The following CYBA variants were observed in gnomAD, a reference collection of about 807,000 sequenced individuals.
CYBA encodes cytochrome b-245 light chain.
In CYBA, 21 loss-of-function variants were observed where a neutral mutation model predicts 20.8. The ratio of observed to expected loss-of-function variants is 1.01; its 90% CI spans 0.72 to 1.46. The LOEUF (loss-of-function observed/expected upper bound fraction) is 1.46. Ranked by LOEUF, CYBA falls within the 40% of genes most tolerant of loss-of-function variation. The probability of loss-of-function intolerance (pLI) is 0.00; values close to 1 mark genes in which losing one functional copy is unlikely to be tolerated. For missense variants in CYBA, 344 were observed against 287.0 expected (o/e 1.20, Z -1.43); for synonymous variants, 164 against 127.5 (o/e 1.29, Z -1.93).
Position 88,646,009 on chromosome 16 carries a change from T to G in CYBA, c.369+107A>C. Reference sequence around the variant, plus strand: ...CCAGGCTCACACTTGCTCCCAGCCTTGGCTCAGCCTACAGAGCCGGCTTCA... The same window carrying G: ...CCAGGCTCACACTTGCTCCCAGCCTGGGCTCAGCCTACAGAGCCGGCTTCA... On this transcript the variant is annotated intron_variant, in intron 5 of 5. Coordinates refer to ENST00000261623, the MANE Select transcript of CYBA (RefSeq NM_000101.4). 3.2e-6 allele frequency: 3 copies of G among 946,820 alleles called. No individual in the cohort carries two copies. The South Asian group carries it at 4.2e-5, about 13-fold the overall frequency. 58.7% of individuals were successfully genotyped at this position (946,820 alleles called of 1,614,324 possible). A position where few individuals can be genotyped will look rare whatever the true frequency, so the allele number is the denominator to read the frequency against.
chr16:88,645,349 T>C, intron 5 of CYBA: 1 of 702,458 alleles, frequency 1.4e-6, no homozygotes, highest in South Asian at 1.5e-5. Flanking sequence ...CAGAAAGTGC[T>C]GCACCTTTCC....
chr16:88,646,732 G>T (rs1009303753), intron 4 of CYBA, 23 bp downstream of exon 4: 5 of 1,606,340 alleles, frequency 3.1e-6, no homozygotes, highest in South Asian at 1.1e-5. Flanking sequence ...GAGCCCTAGA[G>T]GGGGTGCGGG....
Position 88,647,899 on chromosome 16 carries a change from T to C in CYBA, c.128+146A>G, listed in dbSNP as rs905655764. 4.6e-5 allele frequency: 36 copies of C among 776,958 alleles called. No homozygotes were observed. The African/African-American group carries it at 5.8e-4, about 12-fold the overall frequency. 48.1% of individuals were successfully genotyped at this position (776,958 alleles called of 1,614,324 possible). A position where few individuals can be genotyped will look rare whatever the true frequency, so the allele number is the denominator to read the frequency against. Reference sequence around the variant, plus strand: ...GGCGAGGGGCCTGGCTGCTGGGGCCTGGGCTGCCCAACCCGTGCACAGCCC... The same window carrying C: ...GGCGAGGGGCCTGGCTGCTGGGGCCCGGGCTGCCCAACCCGTGCACAGCCC... On this transcript the variant is annotated intron_variant, in intron 2 of 5. Coordinates refer to ENST00000261623, the MANE Select transcript of CYBA (RefSeq NM_000101.4).
At chr16:88,647,410 G>A (rs1458312353) in intron 2 of CYBA, among the ~76,000 whole-genome samples, 1 of 152,202 alleles carries the variant, frequency 6.6e-6, no homozygotes, top group Non-Finnish European at 1.5e-5. Flanking sequence ...GCAGTGGTGT[G>A]TGCCTGTGGT....
chr16:88,647,294 C>A, intron 2 of CYBA, 119 bp from the exon 3 acceptor site: 1 of 976,086 alleles, frequency 1.0e-6, no homozygotes, highest in South Asian at 1.4e-5. Flanking sequence ...GGAATCCCAG[C>A]ATTTTGGGAG....
chr16:88,649,336 C>T (rs1391183695), intron 1 of CYBA, among the ~76,000 whole-genome samples: 1 of 152,192 alleles, frequency 6.6e-6, no homozygotes, highest in Non-Finnish European at 1.5e-5. Context: ...CTGTCTGCGT[C>T]GGAGGAGGGG....
rs774641186 is a variant in CYBA, at chr16:88,646,833, T to C, written c.209A>G (p.Gln70Arg). The change falls in exon 4 of 6, where the codon CAG becomes CGG. Residue 70 changes from glutamine to arginine, a missense_variant. Physicochemically the swap from Gln to Arg is conservative, Grantham distance 43 (BLOSUM62 1). Transcript: ENST00000261623. ...CTTCACCACGGCGGTCATGTACTTC[T>C]GTCCCCTGGGGGAGGGAGGAAGGCG... is the stretch of plus-strand genomic sequence containing the variant. ...KKGSTMERWG[Q>R]KYMTAVVKLF... is the part of the protein sequence containing the mutation. 3.1e-6 allele frequency: 5 copies of C among 1,613,272 alleles called. No homozygotes were observed. Among genetic ancestry groups the C allele is most frequent in the Non-Finnish European group, 3.4e-6 (4 of 1,179,454 alleles).
In CYBA at chr16:88,643,421, C is replaced by T. The variant is rs1288682965; in HGVS notation, c.520G>A (p.Val174Met). Residue 174 changes from valine to methionine, a missense_variant, in exon 6 of 6, where the codon GTG (valine) becomes ATG (methionine). Val to Met is a conservative substitution (Grantham distance 21). Transcript: ENST00000261623. The surrounding 1 kb of genome is among the most constrained non-coding windows in gnomAD (Gnocchi z 4.3). ...CCTCCCGGGGGTCCCCCCGCCGCCA[C>T]CGCAGCCTCCTCCTCGCTGGGCTTC... ...RKKPSEEEAA[V>M]AAGGPPGGPQ... 1 of 1,532,890 alleles carries T rather than the reference C, an allele frequency of 6.5e-7. No individual in the cohort carries two copies. 95.0% of individuals were successfully genotyped at this position (1,532,890 alleles called of 1,614,324 possible). A position where few individuals can be genotyped will look rare whatever the true frequency, so the allele number is the denominator to read the frequency against.
At position 88,648,094 on chromosome 16, in the gene CYBA, C is replaced by T. The variant is rs753373754; in HGVS notation, c.79G>A (p.Val27Met). The change falls in exon 2 of 6, where the codon GTG (valine) becomes ATG (methionine). Residue 27 changes from valine to methionine, a missense_variant. Physicochemically the swap from Val to Met is conservative, Grantham distance 21. Coordinates refer to ENST00000261623, the MANE Select transcript of CYBA (RefSeq NM_000101.4). ...TGGGTGAAGCGCCCAGCTGTGGCCACGATGCCCCCGGTGATGAGGACTGCG... is the reference window on the plus strand; with the variant it reads ...TGGGTGAAGCGCCCAGCTGTGGCCATGATGCCCCCGGTGATGAGGACTGCG... ...SGLILITGGI[V>M]ATAGRFTQWY... 81 of 1,612,604 alleles carry T rather than the reference C, an allele frequency of 5.0e-5. 2 individuals are homozygous for T. The highest frequency in any genetic ancestry group is 2.2e-4 in the South Asian group (20 of 90,818).
At position 88,643,452 on chromosome 16, in the gene CYBA, G is replaced by T; in HGVS notation, c.489C>A (p.Ala163=). Residue 163 remains alanine (A), a synonymous_variant, in exon 6 of 6, where the codon GCC becomes GCA. Transcript: ENST00000261623. This position sits in a 1 kb window ranked among gnomAD's most constrained non-coding sequence, Gnocchi z 4.3. ...CCTCCTCCTCGCTGGGCTTCTTGCG[G>T]GCCTCGGCCGGGGGCCGCGGCGGGG... ...SNPPPRPPAE[A]RKKPSEEEAA... 6.5e-7 allele frequency: 1 copy of T among 1,533,410 alleles called. No individual in the cohort carries two copies. The highest frequency in any genetic ancestry group is 8.7e-7 in the Non-Finnish European group (1 of 1,143,718). The allele number at this position is 1,533,410 out of a possible 1,614,324, so 95.0% of individuals were successfully genotyped here.
chr16:88,645,324 C>A (rs543656991), intron 5 of CYBA: 1 of 702,332 alleles, frequency 1.4e-6, no homozygotes, highest in Admixed American at 2.0e-5. Flanking sequence ...CACTTCCATA[C>A]GCGGAAGGCG....
intron 5 of CYBA, among the ~76,000 whole-genome samples, chr16:88,644,546 C>T (rs564442590): frequency 4.6e-5 from 7 of 152,344 alleles, no homozygotes; most frequent in East Asian, 3.9e-4. Flanking sequence ...ACAATCAGGC[C>T]GGGCGCGGTG....
At chr16:88,645,422 A>G in intron 5 of CYBA, 1 of 702,288 alleles carries the variant, frequency 1.4e-6, no homozygotes, top group Non-Finnish European at 2.6e-6. Context: ...GGCAGGAGGG[A>G]CTTGGCTCTA....
chr16:88,643,501 G>C lies in CYBA; in HGVS notation c.440C>G (p.Thr147Ser), dbSNP rs772514836. The change falls in exon 6 of 6, where the codon ACC becomes AGC. Residue 147 changes from threonine to serine, a missense_variant. Coordinates refer to ENST00000261623, the MANE Select transcript of CYBA (RefSeq NM_000101.4). The surrounding 1 kb of genome is among the most constrained non-coding windows in gnomAD (Gnocchi z 4.3). ...GGGGTTGCTGGGCGGCTGCTTGATG[G>C]TGCCTCCGATCTGCGGCCGCTCCCG... is the stretch of plus-strand genomic sequence containing the variant. The part of the protein sequence containing the change: ...KPRERPQIGG[T>S]IKQPPSNPPP... 3 of 1,534,308 alleles carry C rather than the reference G, an allele frequency of 2.0e-6. No homozygotes were observed. In the South Asian group the frequency reaches 3.6e-5, roughly 18 times the overall value.
intron 2 of CYBA, 59 bp downstream of exon 2, chr16:88,647,986 G>T: frequency 1.3e-6 from 2 of 1,505,738 alleles, no homozygotes. Flanking sequence ...ACTGTGAAGT[G>T]GCTCCCCAGC....
At position 88,643,728 on chromosome 16, in the gene CYBA, G is replaced by A. The variant is rs1261629382; in HGVS notation, c.370-157C>T. Reference sequence around the variant, plus strand: ...GCCACTCAGAGAGGTTAAGTGACGCGCCCGAGGCCACACAGCCAGGACCTG... The same window carrying A: ...GCCACTCAGAGAGGTTAAGTGACGCACCCGAGGCCACACAGCCAGGACCTG... On this transcript the variant is annotated intron_variant, in intron 5 of 5. Transcript: ENST00000261623. This position sits in a 1 kb window ranked among gnomAD's most constrained non-coding sequence, Gnocchi z 4.3. 27 of 732,760 alleles carry A rather than the reference G, an allele frequency of 3.7e-5. No homozygotes were observed. The highest frequency in any genetic ancestry group is 7.5e-4 in the Middle Eastern group (2 of 2,654). 45.4% of individuals were successfully genotyped at this position (732,760 alleles called of 1,614,324 possible).
intron 1 of CYBA, 155 bp downstream of exon 1, chr16:88,650,801 C>A: frequency 1.3e-6 from 1 of 771,912 alleles, no homozygotes; most frequent in Non-Finnish European, 2.2e-6. Context: ...CTGAGGGTCC[C>A]GCCCCCGTTC....
intron 1 of CYBA, among the ~76,000 whole-genome samples, chr16:88,649,028 C>T (rs541063104): frequency 4.0e-5 from 6 of 151,222 alleles, no homozygotes; most frequent in African/African-American, 1.5e-4. Context: ...ACCTCCACCT[C>T]CCAGGTTGAA....
Position 88,645,623 on chromosome 16 carries a change from T to C in CYBA, c.369+493A>G, listed in dbSNP as rs1350765338. The C allele has an allele frequency of 3.0e-5, 18 of 596,930 alleles. No individual in the cohort carries two copies. In the South Asian group the frequency reaches 3.2e-4, roughly 11 times the overall value. 37.0% of individuals were successfully genotyped at this position (596,930 alleles called of 1,614,324 possible). On this transcript the variant is annotated intron_variant, in intron 5 of 5. Transcript: ENST00000261623. ...CTCTCAGAGAGATCACTGTATCCCA[T>C]GGGATGGGCAGCCTTCTAACAGGGT...
Sources: allele counts gnomAD v4.1 joint callset (sites outside exome capture counted in the v4.1 genomes callset), GRCh38; gene constraint gnomAD v4.1.1; non-coding constraint Gnocchi (gnomAD v3.1); transcripts MANE v1.5; gene names NCBI Gene and HGNC (gene_info 2026-07-23, HGNC 2026-07-21).